The following ZNF485 variants were observed in gnomAD, a reference collection of about 807,000 sequenced individuals.
ZNF485 encodes the protein Zinc finger protein 93 (Zinc finger protein HTF34).
Under a neutral mutation model 10.8 loss-of-function variants are expected in ZNF485, and 9 were observed. The observed-to-expected ratio is 0.83, with a 90% CI of 0.50 to 1.45. ZNF485 has a LOEUF of 1.45. ZNF485 is among the 40% of genes most tolerant of loss of function. The pLI, the probability that ZNF485 is intolerant of heterozygous loss-of-function variation, is 0.00. For missense variants in ZNF485, 487 were observed against 528.0 expected, an observed-to-expected ratio of 0.92 and a Z score of 0.76; for synonymous variants, 187 against 181.0, an observed-to-expected ratio of 1.03 and a Z score of -0.27.
At chr10:43,612,314 C>T (rs3123681) in intron 4 of ZNF485, among the ~76,000 whole-genome samples, 28,577 of 152,142 alleles carry the variant, frequency 0.19, 3,349 homozygotes, top group Non-Finnish European at 0.25. Flanking sequence ...AATGTATTTA[C>T]GTTTTCTTTT....
chr10:43,616,939 A>G lies in ZNF485; in HGVS notation c.896A>G (p.Gln299Arg), dbSNP rs769857338. 8 of 1,614,152 alleles carry G rather than the reference A, an allele frequency of 5.0e-6. No homozygotes were observed. Among genetic ancestry groups the G allele is most frequent in the Non-Finnish European group, 6.8e-6 (8 of 1,180,030 alleles). ...ATCCATACTGGTGAGAAGCCATATC[A>G]GTGTAATGAATGTGGAAAAGCCTTT... ...QKIHTGEKPYQCNECGKAFRK... is the reference protein window; with the variant it reads ...QKIHTGEKPYRCNECGKAFRK... Residue 299 changes from glutamine to arginine, a missense_variant, in exon 5 of 5, where the codon CAG becomes CGG. Transcript: ENST00000361807.
At chr10:43,608,412 G>T (rs1047243337) in intron 2 of ZNF485, among the ~76,000 whole-genome samples, 2 of 152,210 alleles carry the variant, frequency 1.3e-5, no homozygotes, top group African/African-American at 4.8e-5. Context: ...GGCTAGGCCT[G>T]GAGGAGGGAG....
intron 4 of ZNF485, among the ~76,000 whole-genome samples, chr10:43,612,931 A>G (rs1241143377): frequency 3.3e-5 from 5 of 152,146 alleles, no homozygotes; most frequent in African/African-American, 1.2e-4. Context: ...TTACTGATGT[A>G]ATATAAATAT....
chr10:43,606,695 G>A, intron 1 of ZNF485, 149 bp downstream of exon 1: 1 of 391,904 alleles, frequency 2.6e-6, no homozygotes, highest in East Asian at 4.8e-5. Flanking sequence ...TGGCTGCGCC[G>A]TGTGGAGCGA....
chr10:43,616,453 A>G lies in ZNF485; in HGVS notation c.410A>G (p.Lys137Arg), dbSNP rs200991711. ...EKNYKCKECGKVFKYNSSFIS... is the reference protein window; with the variant it reads ...EKNYKCKECGRVFKYNSSFIS... Reference sequence around the variant, plus strand: ...AACTATAAGTGCAAGGAATGTGGGAAAGTCTTCAAATACAATTCGTCCTTT... The same window carrying G: ...AACTATAAGTGCAAGGAATGTGGGAGAGTCTTCAAATACAATTCGTCCTTT... Residue 137 changes from lysine to arginine, a missense_variant, in exon 5 of 5, where the codon AAA becomes AGA. Transcript: ENST00000361807. 7.2e-5 allele frequency: 117 copies of G among 1,614,024 alleles called. No individual in the cohort carries two copies. Among genetic ancestry groups the G allele is most frequent in the Non-Finnish European group, 1.1e-5 (13 of 1,180,008 alleles).
At chr10:43,615,284 T>G (rs1030807612) in intron 4 of ZNF485, among the ~76,000 whole-genome samples, 3 of 152,154 alleles carry the variant, frequency 2.0e-5, no homozygotes, top group Non-Finnish European at 2.9e-5. Flanking sequence ...CAAGTTTGGC[T>G]CTATTAGTTT....
In ZNF485 at chr10:43,617,449, A is replaced by C; in HGVS notation, c.*80A>C. 1 of 1,016,026 alleles carries C rather than the reference A, an allele frequency of 9.8e-7. No homozygotes were observed. Among genetic ancestry groups the C allele is most frequent in the Non-Finnish European group, 1.4e-6 (1 of 695,258 alleles). The allele number at this position is 1,016,026 out of a possible 1,614,324, so 62.9% of individuals were successfully genotyped here. A position where few individuals can be genotyped will look rare whatever the true frequency, so the allele number is the denominator to read the frequency against. On this transcript the variant is annotated 3_prime_UTR_variant, in exon 5 of 5. Transcript: ENST00000361807. ...TAAATAAATTATGCATTTAACAGAAATACTCTGTACTTCTGAGAGAACACA... is the reference window on the plus strand; with the variant it reads ...TAAATAAATTATGCATTTAACAGAACTACTCTGTACTTCTGAGAGAACACA...
In ZNF485 at chr10:43,606,459, C is replaced by T. The variant is rs1007819696; in HGVS notation, c.-142C>T. ...CCGCGTGGTGCGAGCGCTGCACCAG[C>T]CCCTGGCTGGTGGTTACTGTCCGAA... On this transcript the variant is annotated 5_prime_UTR_variant, in exon 1 of 5. Coordinates refer to ENST00000361807, the MANE Select transcript of ZNF485 (RefSeq NM_145312.4). 1.5e-5 allele frequency: 6 copies of T among 411,222 alleles called. No individual in the cohort carries two copies. Among genetic ancestry groups the T allele is most frequent in the South Asian group, 2.1e-5 (1 of 46,674 alleles). The allele number at this position is 411,222 out of a possible 1,614,324, so 25.5% of individuals were successfully genotyped here. A position where few individuals can be genotyped will look rare whatever the true frequency, so the allele number is the denominator to read the frequency against.
rs1264527664 is a variant in ZNF485 at position 43,606,464 on chromosome 10, G to A, written c.-137G>A. The A allele has an allele frequency of 2.5e-6, 1 of 406,112 alleles. No individual in the cohort carries two copies. Among genetic ancestry groups the A allele is most frequent in the East Asian group, 6.0e-5 (1 of 16,802 alleles). The allele number at this position is 406,112 out of a possible 1,614,324, so 25.2% of individuals were successfully genotyped here. On this transcript the variant is annotated 5_prime_UTR_variant, in exon 1 of 5. Transcript: ENST00000361807. The stretch of plus-strand genomic sequence containing the variant: ...TGGTGCGAGCGCTGCACCAGCCCCT[G>A]GCTGGTGGTTACTGTCCGAACGGCG...
At chr10:43,616,190 C>A in intron 4 of ZNF485, 101 bp from the exon 5 acceptor site, 2 of 957,930 alleles carry the variant, frequency 2.1e-6, no homozygotes, top group Non-Finnish European at 3.0e-6. Flanking sequence ...TTTTCATAAC[C>A]TTTAGTTATG....
In ZNF485 at chr10:43,606,988, C is replaced by CTT; in HGVS notation, c.-54-7_-54-6dup. On this transcript the variant is annotated splice_polypyrimidine_tract_variant and intron_variant, in intron 1 of 4. Coordinates refer to ENST00000361807, the MANE Select transcript of ZNF485 (RefSeq NM_145312.4). ...AGGGACTTCCTCAATTTCCTCTCTTCTTTCCCAGATTGACTTACGCAGGAT... is the reference window on the plus strand; with the variant it reads ...AGGGACTTCCTCAATTTCCTCTCTTCTTTTTCCCAGATTGACTTACGCAGGAT... 1 of 1,548,446 alleles carries CTT rather than the reference C, an allele frequency of 6.5e-7. No individual in the cohort carries two copies. The highest frequency in any genetic ancestry group is 8.7e-7 in the Non-Finnish European group (1 of 1,144,004).
intron 2 of ZNF485, 169 bp downstream of exon 2, chr10:43,607,243 A>G: frequency 1.3e-6 from 1 of 740,924 alleles, no homozygotes; most frequent in Non-Finnish European, 2.3e-6. Context: ...GTCATTCACC[A>G]AGTAGATTAT....
chr10:43,608,573 CAG>C, intron 2 of ZNF485, 39 bp from the exon 3 acceptor site: 1 of 1,577,696 alleles, frequency 6.3e-7, no homozygotes, highest in South Asian at 1.2e-5. Flanking sequence ...ATGCCTCCCT[CAG>C]GGGTTCCCGG....
Position 43,616,365 on chromosome 10 carries a change from C to T in ZNF485, c.322C>T (p.Arg108Ter), listed in dbSNP as rs373822688. 41 of 1,613,742 alleles carry T rather than the reference C, an allele frequency of 2.5e-5. No individual in the cohort carries two copies. In the Admixed American group the frequency reaches 3.0e-4, roughly 12 times the overall value. ...STSEASVLGE[R>*]TKSVMMEKGL... The stretch of plus-strand genomic sequence containing the variant: ...TTCTGAAGCATCTGTTCTGGGAGAG[C>T]GAACGAAAAGTGTCATGATGGAAAA... Residue 108 changes from arginine to a stop codon, truncating the protein, a stop_gained, in exon 5 of 5, where the codon CGA (arginine) becomes TGA (stop). Transcript: ENST00000361807. LOFTEE classifies it low-confidence loss of function (END_TRUNC).
chr10:43,614,102 C>G (rs1838811966), intron 4 of ZNF485, among the ~76,000 whole-genome samples: 1 of 151,974 alleles, frequency 6.6e-6, no homozygotes, highest in Non-Finnish European at 1.5e-5. Context: ...GTAGTCCCAG[C>G]TACTCGGGGA....
rs755647809 is a variant in ZNF485, at chr10:43,616,753, C to G, written c.710C>G (p.Thr237Ser). ...SILLSHQRIH[T>S]GQKPYKCNDC... ...CTTTTAAGTCATCAGAGAATTCATA[C>G]TGGCCAGAAACCCTACAAATGTAAT... Residue 237 changes from threonine to serine, a missense_variant, in exon 5 of 5, where the codon ACT becomes AGT. By Grantham distance (58) the Thr-to-Ser change is moderately conservative. Coordinates refer to ENST00000361807, the MANE Select transcript of ZNF485 (RefSeq NM_145312.4). The G allele has an allele frequency of 6.2e-7, 1 of 1,614,150 alleles. No individual in the cohort carries two copies. The highest frequency in any genetic ancestry group is 8.5e-7 in the Non-Finnish European group (1 of 1,180,036).
chr10:43,612,043 A>C (rs1329742172), intron 4 of ZNF485, among the ~76,000 whole-genome samples: 5 of 152,352 alleles, frequency 3.3e-5, no homozygotes, highest in Admixed American at 3.3e-4. Context: ...TGGGATACAC[A>C]TACATTGTTA....
At chr10:43,608,336 C>G (rs982321981) in intron 2 of ZNF485, among the ~76,000 whole-genome samples, 1 of 152,094 alleles carries the variant, frequency 6.6e-6, no homozygotes, top group Non-Finnish European at 1.5e-5. Context: ...GACTGAGTGG[C>G]AGAGGATGGG....
At chr10:43,608,227 C>A (rs1838691507) in intron 2 of ZNF485, among the ~76,000 whole-genome samples, 4 of 152,200 alleles carry the variant, frequency 2.6e-5, no homozygotes, top group African/African-American at 9.7e-5. Context: ...CCCACACTGT[C>A]CCCCTGGAGC....
Sources: gnomAD v4.1 joint callset for allele counts (sites outside exome capture counted in the v4.1 genomes callset) on GRCh38, gnomAD v4.1.1 for gene constraint, MANE v1.5 for transcripts, NCBI Gene and HGNC (gene_info 2026-07-23, HGNC 2026-07-21) for gene names.